Variants in TMEM132D observed in about 807,000 individuals in gnomAD.
TMEM132D encodes the protein mature OL transmembrane protein.
A neutral mutation model predicts 62.3 loss-of-function variants in TMEM132D; 21 were observed. That is an observed-to-expected ratio of 0.34 (90% CI 0.24 to 0.49). The LOEUF (loss-of-function observed/expected upper bound fraction) is 0.49. Among genes scored for constraint, TMEM132D ranks in the 20% least tolerant of loss-of-function variants. The pLI is 0.99. For missense variants in TMEM132D, 1,346 were observed against 1,402.8 expected, an observed-to-expected ratio of 0.96 and a Z score of 0.65; for synonymous variants, 621 against 575.6, an observed-to-expected ratio of 1.08 and a Z score of -1.13.
At chr12:129,173,550 C>T (rs1027385649) in intron 5 of TMEM132D, among the ~76,000 whole-genome samples, 2 of 152,172 alleles carry the variant, frequency 1.3e-5, no homozygotes, top group African/African-American at 4.8e-5. Flanking sequence ...TTTATAACAC[C>T]TTCAGCTTCT....
chr12:129,434,297 T>C (rs1352991236), intron 3 of TMEM132D, among the ~76,000 whole-genome samples: 1 of 152,166 alleles, frequency 6.6e-6, no homozygotes, highest in Non-Finnish European at 1.5e-5. Context: ...TAACATCAGG[T>C]AACGGATGAG....
intron 8 of TMEM132D, among the ~76,000 whole-genome samples, chr12:129,077,635 GAC>G (rs894081545): frequency 6.6e-6 from 1 of 151,134 alleles, no homozygotes; most frequent in African/African-American, 2.4e-5. Flanking sequence ...AAATACACAA[GAC>G]ACACATGCAT....
At chr12:129,668,625 C>T (rs1278280261) in intron 2 of TMEM132D, among the ~76,000 whole-genome samples, 1 of 152,152 alleles carries the variant, frequency 6.6e-6, no homozygotes, top group Non-Finnish European at 1.5e-5. Context: ...CAACTTTTAA[C>T]AAGTGAGTAA....
chr12:129,552,272 T>C (rs1045217683), intron 2 of TMEM132D, among the ~76,000 whole-genome samples: 3 of 140,354 alleles, frequency 2.1e-5, no homozygotes, highest in Admixed American at 7.2e-5. Flanking sequence ...ATCTAACATA[T>C]TGTCTACCTA....
At chr12:129,703,276 A>T (rs1042021237) in intron 1 of TMEM132D, among the ~76,000 whole-genome samples, 11 of 152,228 alleles carry the variant, frequency 7.2e-5, no homozygotes, top group African/African-American at 9.6e-5. Context: ...GGGCAATGAC[A>T]TCGGGTCCTA....
At chr12:129,405,169 G>A (rs1030427420) in intron 3 of TMEM132D, among the ~76,000 whole-genome samples, 2 of 152,162 alleles carry the variant, frequency 1.3e-5, no homozygotes, top group African/African-American at 2.4e-5. Context: ...CACCTCTGAA[G>A]GCTAGAAGCC....
chr12:129,598,220 T>C (rs781477969), intron 2 of TMEM132D, among the ~76,000 whole-genome samples: 2 of 152,248 alleles, frequency 1.3e-5, no homozygotes, highest in Admixed American at 1.3e-4. Context: ...AAAGGCATCC[T>C]ATAAAATGCT....
rs149275528 is a variant in TMEM132D, at chr12:129,270,032, G to A, written c.1300-60369C>T. Among the ~76,000 whole-genome samples the A allele has an allele frequency of 3.4e-3, 512 of 152,248 alleles. 1 individual carries two copies. Among genetic ancestry groups the A allele is most frequent in the African/African-American group, 0.011 (454 of 41,550 alleles). On this transcript the variant is annotated intron_variant, in intron 4 of 8. Transcript: ENST00000422113. ...TCAAGCGAGCCACTCGGGAAAAGCC[G>A]CAGGCCGAGGACGAAGGGGTCTCCT...
intron 3 of TMEM132D, among the ~76,000 whole-genome samples, chr12:129,479,666 G>A (rs979319770): frequency 5.3e-5 from 8 of 152,166 alleles, no homozygotes; most frequent in Non-Finnish European, 1.2e-4. Context: ...AAAAAGTAAA[G>A]CCCGTGTGAG....
intron 1 of TMEM132D, among the ~76,000 whole-genome samples, chr12:129,881,275 T>C (rs1449323384): frequency 6.6e-6 from 1 of 151,888 alleles, no homozygotes; most frequent in Admixed American, 6.6e-5. Context: ...GTTGAAGAGG[T>C]ACTCCTCTCA....
At chr12:129,374,269 C>CAGAGAGAGAGAG (rs35178347) in intron 3 of TMEM132D, among the ~76,000 whole-genome samples, 17,345 of 144,156 alleles carry the variant, frequency 0.12, 1,319 homozygotes, top group South Asian at 0.22. Context: ...CCTCACACAT[C>CAGAGAGAGAGAG]AGAGAGAGAG....
At chr12:129,839,004 T>C (rs1014549673) in intron 1 of TMEM132D, among the ~76,000 whole-genome samples, 1 of 149,716 alleles carries the variant, frequency 6.7e-6, no homozygotes, top group African/African-American at 2.5e-5. Context: ...CAGACTGGAG[T>C]GCAGTGGTGC....
At chr12:129,256,800 A>G (rs988348696) in intron 4 of TMEM132D, among the ~76,000 whole-genome samples, 2 of 152,156 alleles carry the variant, frequency 1.3e-5, no homozygotes, top group Admixed American at 1.3e-4. Context: ...ACCTCAGGTG[A>G]TCCACCCGCT....
intron 4 of TMEM132D, among the ~76,000 whole-genome samples, chr12:129,300,278 A>G (rs1384292641): frequency 6.6e-6 from 1 of 152,350 alleles, no homozygotes; most frequent in African/African-American, 2.4e-5. Context: ...GCAAGTTGCC[A>G]CATAGGAACC....
chr12:129,715,665 T>C (rs1868544369), intron 1 of TMEM132D, among the ~76,000 whole-genome samples: 1 of 152,260 alleles, frequency 6.6e-6, no homozygotes, highest in Non-Finnish European at 1.5e-5. Flanking sequence ...CTTCGACTTC[T>C]CCTTTGAATA....
chr12:129,714,162 C>T (rs1056396756), intron 1 of TMEM132D, among the ~76,000 whole-genome samples: 1 of 152,212 alleles, frequency 6.6e-6, no homozygotes, highest in African/African-American at 2.4e-5. Flanking sequence ...ACCTGGAGTG[C>T]CCATCCCCAG....
At chr12:129,201,128 T>A (rs111466630) in intron 5 of TMEM132D, among the ~76,000 whole-genome samples, 3 of 152,370 alleles carry the variant, frequency 2.0e-5, no homozygotes, top group African/African-American at 7.2e-5. Flanking sequence ...CTTTGATTTT[T>A]ATCAGTGGAC....
chr12:129,466,133 A>C (rs1027639491), intron 3 of TMEM132D, among the ~76,000 whole-genome samples: 1 of 143,016 alleles, frequency 7.0e-6, no homozygotes, highest in Non-Finnish European at 1.6e-5. Flanking sequence ...TTTATTATTG[A>C]TAATGCTTTT....
intron 2 of TMEM132D, among the ~76,000 whole-genome samples, chr12:129,640,114 A>C (rs1327653942): frequency 6.6e-6 from 1 of 152,138 alleles, no homozygotes; most frequent in Non-Finnish European, 1.5e-5. Flanking sequence ...TATATGGTAC[A>C]GCCTTTAAGG....
Sources: gnomAD v4.1 joint callset for allele counts (sites outside exome capture counted in the v4.1 genomes callset) on GRCh38, gnomAD v4.1.1 for gene constraint, MANE v1.5 for transcripts, NCBI Gene and HGNC (gene_info 2026-07-23, HGNC 2026-07-21) for gene names.